WDR49: variants seen among roughly 807,000 people sequenced by gnomAD.
WDR49 encodes cilia- and flagella-associated protein 337.
A neutral mutation model predicts 119.5 loss-of-function variants in WDR49; 107 were observed. The ratio of observed to expected loss-of-function variants is 0.90; its 90% confidence interval spans 0.77 to 1.05. The LOEUF (loss-of-function observed/expected upper bound fraction) is 1.05. WDR49 is among the 50% of genes least tolerant of loss of function. WDR49 has a pLI of 0.00. For synonymous variants in WDR49, 425 were observed against 418.8 expected (o/e 1.01, Z -0.18); for missense variants, 1,240 against 1,220.5 (o/e 1.02, Z -0.24).
intron 2 of WDR49, among the ~76,000 whole-genome samples, chr3:167,628,924 C>T (rs1380431390): frequency 1.3e-5 from 2 of 152,078 alleles, no homozygotes; most frequent in Admixed American, 1.3e-4. Flanking sequence ...GAAACCAATG[C>T]TCATTTATTA....
chr3:167,482,022 T>C (rs1750733117), intron 18 of WDR49, among the ~76,000 whole-genome samples: 1 of 152,148 alleles, frequency 6.6e-6, no homozygotes, highest in Non-Finnish European at 1.5e-5. Context: ...CTGACATATG[T>C]TGAAAGGACA....
intron 16 of WDR49, among the ~76,000 whole-genome samples, chr3:167,518,398 G>GTTTCCTGAC: frequency 6.6e-6 from 1 of 152,084 alleles, no homozygotes; most frequent in Non-Finnish European, 1.5e-5. Flanking sequence ...GGCTCCTGTT[G>GTTTCCTGAC]TTTCCTGACT....
intron 15 of WDR49, among the ~76,000 whole-genome samples, chr3:167,523,838 T>G (rs1022064036): frequency 6.6e-6 from 1 of 152,176 alleles, no homozygotes; most frequent in Middle Eastern, 3.2e-3. Flanking sequence ...CTATTGTAAA[T>G]AGTGCTGCAA....
At chr3:167,584,098 A>G (rs541232665) in intron 7 of WDR49, among the ~76,000 whole-genome samples, 12 of 152,292 alleles carry the variant, frequency 7.9e-5, no homozygotes, top group Non-Finnish European at 1.3e-4. Flanking sequence ...ACTATCCAAA[A>G]TTACAAGAGA....
chr3:167,560,306 C>T, intron 8 of WDR49, 78 bp from the exon 9 acceptor site: 1 of 1,396,936 alleles, frequency 7.2e-7, no homozygotes, highest in Non-Finnish European at 9.6e-7. Context: ...ACATATCCAG[C>T]CTGTGCATTT....
chr3:167,600,007 C>T (rs975795951), intron 7 of WDR49, among the ~76,000 whole-genome samples: 2 of 152,038 alleles, frequency 1.3e-5, no homozygotes, highest in Non-Finnish European at 2.9e-5. Flanking sequence ...TCCCTTCTGG[C>T]CCAGGATATG....
chr3:167,509,648 T>C lies in WDR49; in HGVS notation c.2775-4232A>G, dbSNP rs530601850. Among the ~76,000 whole-genome samples, 3 of 152,298 alleles carry C rather than the reference T, an allele frequency of 2.0e-5. No homozygotes were observed. In the East Asian group the frequency reaches 5.8e-4, roughly 29 times the overall value. On this transcript the variant is annotated intron_variant, in intron 16 of 18. Coordinates refer to ENST00000682715, the MANE Select transcript of WDR49 (RefSeq NM_001366157.1). ...GACAGCAAGATGACCTTTAGCAAGA[T>C]GACCCAAAGGCCTTTATGCCTTTTG... is the stretch of plus-strand genomic sequence containing the variant.
chr3:167,616,543 A>C (rs1716603055), intron 5 of WDR49, among the ~76,000 whole-genome samples: 1 of 152,134 alleles, frequency 6.6e-6, no homozygotes, highest in African/African-American at 2.4e-5. Context: ...TGGAGAAACA[A>C]AGATTAGCGT....
At chr3:167,486,676 G>A (rs1055860048) in intron 18 of WDR49, among the ~76,000 whole-genome samples, 1 of 151,998 alleles carries the variant, frequency 6.6e-6, no homozygotes, top group African/African-American at 2.4e-5. Context: ...CCAACAAGAA[G>A]ATTTAACTAT....
chr3:167,567,040 C>T (rs1044584478), intron 8 of WDR49: 3 of 442,042 alleles, frequency 6.8e-6, no homozygotes, highest in African/African-American at 2.0e-5. Context: ...TAATTTCTGT[C>T]GGACTTTTTG....
intron 7 of WDR49, among the ~76,000 whole-genome samples, chr3:167,587,263 A>G (rs1459494279): frequency 2.0e-5 from 3 of 152,204 alleles, no homozygotes; most frequent in Admixed American, 6.5e-5. Context: ...GTTAAATTCA[A>G]TAATGGAAAT....
chr3:167,604,427 T>A lies in WDR49; in HGVS notation c.1000A>T (p.Thr334Ser). ...ATCACCACACTATTTGTATTGCTGG[T>A]TGTACTGGAAATGATAGCGTCTAAA... ...ASLDAIISST[T>S]SNTNSVVMAW... The change falls in exon 6 of 19, where the codon ACC (threonine) becomes TCC (serine). Residue 334 changes from threonine to serine, a missense_variant. By Grantham distance (58) the Thr-to-Ser change is moderately conservative. Coordinates refer to ENST00000682715, the MANE Select transcript of WDR49 (RefSeq NM_001366157.1). 6.2e-7 allele frequency: 1 copy of A among 1,613,250 alleles called. No homozygotes were observed. The highest frequency in any genetic ancestry group is 8.5e-7 in the Non-Finnish European group (1 of 1,179,722).
intron 2 of WDR49, among the ~76,000 whole-genome samples, chr3:167,649,516 T>A (rs185075148): frequency 1.3e-5 from 2 of 152,302 alleles, no homozygotes; most frequent in African/African-American, 4.8e-5. Context: ...GATGAGAATA[T>A]CAAAATTCTT....
intron 7 of WDR49, among the ~76,000 whole-genome samples, chr3:167,582,569 A>G (rs1458882336): frequency 1.3e-5 from 2 of 152,056 alleles, no homozygotes; most frequent in East Asian, 1.9e-4. Context: ...AATTTCCACT[A>G]TGTGTCTGTT....
intron 6 of WDR49, 51 bp downstream of exon 6, chr3:167,604,248 CAT>C (rs1715924117): frequency 6.3e-7 from 1 of 1,590,786 alleles, no homozygotes; most frequent in East Asian, 2.2e-5. Context: ...TACAAATATA[CAT>C]CCCAGACTAT....
chr3:167,608,126 G>C (rs1468199670), intron 5 of WDR49, among the ~76,000 whole-genome samples: 1 of 152,094 alleles, frequency 6.6e-6, no homozygotes, highest in Non-Finnish European at 1.5e-5. Context: ...AGTTCCAATA[G>C]TATAAAATCT....
intron 15 of WDR49, among the ~76,000 whole-genome samples, chr3:167,524,065 C>T (rs1560267671): frequency 6.6e-6 from 1 of 152,116 alleles, no homozygotes; most frequent in Non-Finnish European, 1.5e-5. Context: ...TCTGTTGTTT[C>T]CAGACTTTTT....
intron 5 of WDR49, among the ~76,000 whole-genome samples, chr3:167,611,965 T>C (rs1159036982): frequency 1.3e-5 from 2 of 152,150 alleles, no homozygotes; most frequent in Non-Finnish European, 2.9e-5. Context: ...AGACTTAATC[T>C]ACACTATGGA....
At chr3:167,606,435 T>C (rs565579835) in intron 5 of WDR49, among the ~76,000 whole-genome samples, 1 of 152,306 alleles carries the variant, frequency 6.6e-6, no homozygotes, top group South Asian at 2.1e-4. Flanking sequence ...CCTCAAGTGG[T>C]TCTTAAAATT....
Sources: gnomAD v4.1 joint callset for allele counts (sites outside exome capture counted in the v4.1 genomes callset) on GRCh38, gnomAD v4.1.1 for gene constraint, MANE v1.5 for transcripts, NCBI Gene and HGNC (gene_info 2026-07-23, HGNC 2026-07-21) for gene names.